The following FARP1 variants were observed in gnomAD, a reference collection of about 807,000 sequenced individuals.
FARP1 encodes the protein FERM, ARHGEF and pleckstrin domain-containing protein 1.
Under a neutral mutation model 128.8 loss-of-function variants are expected in FARP1, and 52 were observed. The observed-to-expected ratio is 0.40, with a 90% CI of 0.32 to 0.51. The LOEUF is 0.51. Among genes scored for constraint, FARP1 ranks in the 20% least tolerant of loss-of-function variants. The probability of loss-of-function intolerance (pLI) is 0.45; values close to 1 mark genes in which losing one functional copy is unlikely to be tolerated. For synonymous variants in FARP1, 580 were observed against 551.8 expected (o/e 1.05, Z -0.72); for missense variants, 1,333 against 1,367.9 (o/e 0.97, Z 0.40).
At chr13:98,172,650 G>C (rs971689808) in intron 1 of FARP1, among the ~76,000 whole-genome samples, 1 of 152,142 alleles carries the variant, frequency 6.6e-6, no homozygotes, top group Non-Finnish European at 1.5e-5. Context: ...TTATTTTTTG[G>C]AAGTGGAGAA....
Position 98,176,866 on chromosome 13 carries a change from G to C in FARP1, c.-24+33374G>C, listed in dbSNP as rs773143765. 3 of 1,609,268 alleles carry C rather than the reference G, an allele frequency of 1.9e-6. No individual in the cohort carries two copies. The highest frequency in any genetic ancestry group is 1.7e-5 in the Admixed American group (1 of 60,026). On this transcript the variant is annotated intron_variant, in intron 1 of 26. Transcript: ENST00000319562. This position sits in a 1 kb window ranked among gnomAD's most constrained non-coding sequence, Gnocchi z 6.2. ...CTGGCTGCACTTGAGGATGGTCGGC[G>C]TATGGTGCTCCTTCTCGGTGTCCTG...
intron 1 of FARP1, among the ~76,000 whole-genome samples, chr13:98,162,084 GTC>G (rs886352301): frequency 3.3e-5 from 5 of 152,134 alleles, no homozygotes; most frequent in African/African-American, 9.7e-5. Flanking sequence ...GGCTCTTCCT[GTC>G]TCTTTCTTTT....
chr13:98,211,725 A>G (rs756855680), intron 1 of FARP1, among the ~76,000 whole-genome samples: 5 of 152,166 alleles, frequency 3.3e-5, no homozygotes, highest in African/African-American at 4.8e-5. Context: ...CACCTTCTCC[A>G]TGATGGAAGG....
intron 1 of FARP1, chr13:98,177,023 A>C (rs1878116335): frequency 1.9e-6 from 3 of 1,595,838 alleles, no homozygotes; most frequent in African/African-American, 1.3e-5. Flanking sequence ...GCCTTCTGCC[A>C]GCTGTGGAGG....
At position 98,164,490 on chromosome 13, in the gene FARP1, C is replaced by T. The variant is rs985703248; in HGVS notation, c.-24+20998C>T. ...AATTCTTTCTAATTGAATCCCTTGGCTTAAGATTCTTTTGATTTGTATTTG... is the reference window on the plus strand; with the variant it reads ...AATTCTTTCTAATTGAATCCCTTGGTTTAAGATTCTTTTGATTTGTATTTG... On this transcript the variant is annotated intron_variant, in intron 1 of 26. Transcript: ENST00000319562. 2.6e-5 allele frequency among the ~76,000 whole-genome samples: 4 copies of T among 152,188 alleles called. 1 individual carries two copies. The South Asian group carries it at 8.3e-4, about 31-fold the overall frequency.
chr13:98,255,751 G>C (rs1185510522), intron 2 of FARP1, among the ~76,000 whole-genome samples: 1 of 152,192 alleles, frequency 6.6e-6, no homozygotes, highest in Non-Finnish European at 1.5e-5. Flanking sequence ...TAATAAAACA[G>C]AGACCCTTTT....
At chr13:98,214,230 T>C (rs1880924084) in intron 2 of FARP1, among the ~76,000 whole-genome samples, 1 of 152,236 alleles carries the variant, frequency 6.6e-6, no homozygotes, top group Non-Finnish European at 1.5e-5. Context: ...GCCTGCTTCG[T>C]GCAGCTGGTG....
intron 2 of FARP1, among the ~76,000 whole-genome samples, chr13:98,322,767 T>G (rs555731679): frequency 6.6e-6 from 1 of 152,212 alleles, no homozygotes; most frequent in South Asian, 2.1e-4. Context: ...TTCACGGTTA[T>G]AATAACCATC....
intron 2 of FARP1, among the ~76,000 whole-genome samples, chr13:98,269,961 C>T (rs958019825): frequency 2.0e-5 from 3 of 152,066 alleles, no homozygotes; most frequent in Admixed American, 6.6e-5. Context: ...CAAAATTAGC[C>T]GGGCTTGGTA....
intron 2 of FARP1, among the ~76,000 whole-genome samples, chr13:98,322,398 T>C: frequency 6.6e-6 from 1 of 152,194 alleles, no homozygotes; most frequent in South Asian, 2.1e-4. Context: ...ATGTGAAGGA[T>C]TGTTAGTGAC....
chr13:98,412,672 A>T (rs562862920), intron 16 of FARP1, among the ~76,000 whole-genome samples: 1 of 152,376 alleles, frequency 6.6e-6, no homozygotes, highest in East Asian at 1.9e-4. Flanking sequence ...ATACCAAATG[A>T]AACATTAATG....
chr13:98,378,891 C>T (rs1889704754), intron 6 of FARP1, among the ~76,000 whole-genome samples: 1 of 109,164 alleles, frequency 9.2e-6, no homozygotes, highest in Admixed American at 1.2e-4. Context: ...CATGTGCCAG[C>T]ACTATATATA....
intron 2 of FARP1, among the ~76,000 whole-genome samples, chr13:98,307,319 T>A (rs1886210225): frequency 6.6e-6 from 1 of 152,200 alleles, no homozygotes; most frequent in Non-Finnish European, 1.5e-5. Context: ...TGAATTCTAA[T>A]ACCTCACACA....
chr13:98,304,276 T>C (rs1239158907), intron 2 of FARP1, among the ~76,000 whole-genome samples: 1 of 152,192 alleles, frequency 6.6e-6, no homozygotes, highest in East Asian at 1.9e-4. Context: ...AGCTGCTTAA[T>C]TGAAGGCTCT....
intron 8 of FARP1, among the ~76,000 whole-genome samples, chr13:98,386,463 CTCTT>C (rs1458218387): frequency 2.6e-5 from 4 of 152,152 alleles, no homozygotes; most frequent in Non-Finnish European, 4.4e-5. Flanking sequence ...CAATGCTTCT[CTCTT>C]AGTAGCCTTA....
intron 13 of FARP1, chr13:98,404,274 A>G (rs575543602): frequency 1.2e-4 from 18 of 152,380 alleles, no homozygotes; most frequent in African/African-American, 3.8e-4. Flanking sequence ...TAAGAAGCAC[A>G]CATACATTAC....
intron 12 of FARP1, among the ~76,000 whole-genome samples, 198 bp from the exon 13 acceptor site, chr13:98,395,029 G>A (rs58729566): frequency 0.023 from 3,442 of 152,236 alleles, 119 homozygotes; most frequent in African/African-American, 0.079. Flanking sequence ...GCTGTCAGCC[G>A]CCACGCCCTG....
chr13:98,392,176 CAA>C (rs1247641745), intron 11 of FARP1, among the ~76,000 whole-genome samples: 3 of 151,896 alleles, frequency 2.0e-5, no homozygotes, highest in Non-Finnish European at 4.4e-5. Context: ...TACTGCATCC[CAA>C]AAGAGTGTGT....
chr13:98,276,966 T>C (rs1452917308), intron 2 of FARP1, among the ~76,000 whole-genome samples: 1 of 152,220 alleles, frequency 6.6e-6, no homozygotes, highest in Admixed American at 6.5e-5. Context: ...TTGCTTGATA[T>C]TTTGTTTTGA....
Sources: allele counts gnomAD v4.1 joint callset (sites outside exome capture counted in the v4.1 genomes callset), GRCh38; gene constraint gnomAD v4.1.1; non-coding constraint Gnocchi (gnomAD v3.1); transcripts MANE v1.5; gene names NCBI Gene and HGNC (gene_info 2026-07-23, HGNC 2026-07-21).